The following ASRGL1 variants were observed in gnomAD, a reference collection of about 807,000 sequenced individuals.
The protein encoded by ASRGL1 is asparaginase and isoaspartyl peptidase 1.
In ASRGL1, 16 loss-of-function variants were observed where a neutral mutation model predicts 22.4. The ratio of observed to expected loss-of-function variants is 0.71; its 90% CI spans 0.48 to 1.08. ASRGL1 has a LOEUF of 1.08. Ranked by LOEUF, ASRGL1 falls within the 50% of genes least tolerant of loss-of-function variation. The pLI, the probability that ASRGL1 is intolerant of heterozygous loss-of-function variation, is 0.00. For missense variants in ASRGL1, 412 were observed against 410.1 expected (o/e 1.00, Z -0.04); for synonymous variants, 165 against 159.3 (o/e 1.04, Z -0.27).
In ASRGL1 at chr11:62,375,229, G is replaced by A. The variant is rs554352517; in HGVS notation, c.492-13904G>A. ...TAAATCCTTTAAAACAAAGAGTTGT[G>A]GGGGAAGGGTGCCGTGCACTCCTAG... is the stretch of plus-strand genomic sequence containing the variant. On this transcript the variant is annotated intron_variant, in intron 4 of 6. Coordinates refer to ENST00000415229, the MANE Select transcript of ASRGL1 (RefSeq NM_001083926.2). 5.3e-5 allele frequency among the ~76,000 whole-genome samples: 8 copies of A among 151,870 alleles called. No individual in the cohort carries two copies. The South Asian group carries it at 1.3e-3, about 24-fold the overall frequency.
At chr11:62,357,398 C>T (rs1946329038) in intron 4 of ASRGL1, among the ~76,000 whole-genome samples, 1 of 150,566 alleles carries the variant, frequency 6.6e-6, no homozygotes, top group Non-Finnish European at 1.5e-5. Flanking sequence ...TACAGGCACA[C>T]ACCACTGCAC....
chr11:62,394,345 A>G (rs1473457121), downstream of ASRGL1, among the ~76,000 whole-genome samples: 10 of 141,334 alleles, frequency 7.1e-5, no homozygotes, highest in Non-Finnish European at 1.2e-4. Context: ...TATAATATAT[A>G]TTATATATAA....
rs1482452544 is a variant in ASRGL1, at chr11:62,392,952, A to C, written c.*668A>C. ...CTTCCTAATCTGGAGATGGGAGGTCATAAGGGAGACGCTGTGGGGTTCCTT... is the reference window on the plus strand; with the variant it reads ...CTTCCTAATCTGGAGATGGGAGGTCCTAAGGGAGACGCTGTGGGGTTCCTT... On this transcript the variant is annotated 3_prime_UTR_variant, in exon 7 of 7. Transcript: ENST00000415229. 3 of 152,856 alleles carry C rather than the reference A, an allele frequency of 2.0e-5. No homozygotes were observed. In the East Asian group the frequency reaches 5.8e-4, roughly 29 times the overall value. 9.5% of individuals were successfully genotyped at this position (152,856 alleles called of 1,614,324 possible).
At chr11:62,394,967 G>A (rs1208229894), downstream of ASRGL1, among the ~76,000 whole-genome samples, 1 of 152,186 alleles carries the variant, frequency 6.6e-6, no homozygotes, top group Non-Finnish European at 1.5e-5. Context: ...GAAAGGGGAA[G>A]ACAATCTTTT....
At chr11:62,348,982 T>C (rs1946104198) in intron 2 of ASRGL1, among the ~76,000 whole-genome samples, 1 of 151,966 alleles carries the variant, frequency 6.6e-6, no homozygotes, top group African/African-American at 2.4e-5. Context: ...TTTTTTTTGT[T>C]TTTTGAGATG....
At chr11:62,371,425 CTTGAGACGTGCTGT>C (rs1946762839) in intron 4 of ASRGL1, 1 of 577,064 alleles carries the variant, frequency 1.7e-6, no homozygotes, top group Non-Finnish European at 3.0e-6. Flanking sequence ...GCACGTCAAA[CTTGAGACGTGCTGT>C]GTTTACTCAA....
At chr11:62,396,767 G>A (rs2134714691), downstream of ASRGL1, among the ~76,000 whole-genome samples, 1 of 71,480 alleles carries the variant, frequency 1.4e-5, no homozygotes, top group South Asian at 6.3e-4. Flanking sequence ...AACCAGCCTG[G>A]GGTGATTTTT....
chr11:62,350,764 C>T (rs1946149479), intron 2 of ASRGL1, among the ~76,000 whole-genome samples: 1 of 152,168 alleles, frequency 6.6e-6, no homozygotes, highest in African/African-American at 2.4e-5. Context: ...CCACTGCACT[C>T]CAGCCTGGGC....
chr11:62,388,501 C>A lies in ASRGL1; in HGVS notation c.492-632C>A, dbSNP rs573370749. Among the ~76,000 whole-genome samples, 85 of 152,050 alleles carry A rather than the reference C, an allele frequency of 5.6e-4. No homozygotes were observed. The South Asian group carries it at 7.9e-3, about 14-fold the overall frequency. On this transcript the variant is annotated intron_variant, in intron 4 of 6. Coordinates refer to ENST00000415229, the MANE Select transcript of ASRGL1 (RefSeq NM_001083926.2). ...GGCCAAGATGATGATGAAACCCTGT[C>A]TCTACTAAAAATATAAAAATTACCC...
At chr11:62,349,673 G>T (rs1241329600) in intron 2 of ASRGL1, among the ~76,000 whole-genome samples, 1 of 152,152 alleles carries the variant, frequency 6.6e-6, no homozygotes, top group African/African-American at 2.4e-5. Context: ...CCAAGAGAAG[G>T]TTCTTGGATC....
At chr11:62,348,442 G>A (rs543972275) in intron 2 of ASRGL1, among the ~76,000 whole-genome samples, 13 of 152,260 alleles carry the variant, frequency 8.5e-5, no homozygotes, top group South Asian at 4.2e-4. Flanking sequence ...GGTGACTCAC[G>A]CCTGTAATCC....
rs918306901 is a variant in ASRGL1 at position 62,393,123 on chromosome 11, G to A, written c.*839G>A. ...CAACAGAGAGGAGCTGATGCTGTAG[G>A]GCTGACCCCGTGACTTCCTGAGTCC... On this transcript the variant is annotated 3_prime_UTR_variant, in exon 7 of 7. Transcript: ENST00000415229. The A allele has an allele frequency of 6.6e-6, 1 of 152,248 alleles. No homozygotes were observed. Among genetic ancestry groups the A allele is most frequent in the Non-Finnish European group, 1.5e-5 (1 of 68,120 alleles). 9.4% of individuals were successfully genotyped at this position (152,248 alleles called of 1,614,324 possible).
chr11:62,386,476 A>G (rs142334213), intron 4 of ASRGL1, among the ~76,000 whole-genome samples: 146 of 149,422 alleles, frequency 9.8e-4, no homozygotes, highest in African/African-American at 2.8e-3. Context: ...TATCATAGAT[A>G]TGTACATATA....
At chr11:62,359,850 T>C (rs983878171) in intron 4 of ASRGL1, among the ~76,000 whole-genome samples, 2 of 152,154 alleles carry the variant, frequency 1.3e-5, no homozygotes, top group African/African-American at 4.8e-5. Context: ...AATACAGTGG[T>C]AAAATTTTTA....
At chr11:62,361,165 C>T (rs1226630615) in intron 4 of ASRGL1, among the ~76,000 whole-genome samples, 3 of 151,720 alleles carry the variant, frequency 2.0e-5, no homozygotes, top group Non-Finnish European at 4.4e-5. Flanking sequence ...ATTTTTTTGT[C>T]AATAAATTTT....
Position 62,356,473 on chromosome 11 carries a change from T to A in ASRGL1, c.333+6T>A. On this transcript the variant is annotated splice_donor_region_variant and intron_variant, in intron 3 of 6. Transcript: ENST00000415229. Reference sequence around the variant, plus strand: ...CTCGGCTTGTCATGGAAAAGGTATATGTGACTAAAGCAGCCTTTTCCTAAT... The same window carrying A: ...CTCGGCTTGTCATGGAAAAGGTATAAGTGACTAAAGCAGCCTTTTCCTAAT... 5 of 1,614,044 alleles carry A rather than the reference T, an allele frequency of 3.1e-6. No homozygotes were observed. Among genetic ancestry groups the A allele is most frequent in the Non-Finnish European group, 4.2e-6 (5 of 1,179,904 alleles).
chr11:62,393,697 C>A (rs1245395734), downstream of ASRGL1, among the ~76,000 whole-genome samples: 1 of 152,128 alleles, frequency 6.6e-6, no homozygotes, highest in African/African-American at 2.4e-5. Context: ...CAACAACTCC[C>A]CCTTTAGAAA....
chr11:62,379,117 A>G (rs1765337164), intron 4 of ASRGL1, among the ~76,000 whole-genome samples: 1 of 152,180 alleles, frequency 6.6e-6, no homozygotes, highest in Non-Finnish European at 1.5e-5. Flanking sequence ...TAATCATTGA[A>G]GTAATCATTG....
At chr11:62,390,016 C>CA (rs1317972345) in intron 5 of ASRGL1, among the ~76,000 whole-genome samples, 1 of 152,212 alleles carries the variant, frequency 6.6e-6, no homozygotes, top group Admixed American at 6.5e-5. Context: ...GTCATGAACT[C>CA]AGAGACACTG....
Sources: allele counts gnomAD v4.1 joint callset (sites outside exome capture counted in the v4.1 genomes callset), GRCh38; gene constraint gnomAD v4.1.1; transcripts MANE v1.5; gene names NCBI Gene and HGNC (gene_info 2026-07-23, HGNC 2026-07-21).